NTN4: variants seen among roughly 807,000 people sequenced by gnomAD.
The protein encoded by NTN4 is netrin-4.
In NTN4, 32 loss-of-function variants were observed where a neutral mutation model predicts 73.6. That is an observed-to-expected ratio of 0.44 (90% CI 0.33 to 0.58). The LOEUF (loss-of-function observed/expected upper bound fraction) is 0.58. NTN4 is among the 20% of genes least tolerant of loss of function. The pLI is 0.04. For synonymous variants in NTN4, 258 were observed against 287.5 expected, an observed-to-expected ratio of 0.90 and a Z score of 1.04; for missense variants, 654 against 798.3, an observed-to-expected ratio of 0.82 and a Z score of 2.18.
intron 7 of NTN4, among the ~76,000 whole-genome samples, chr12:95,671,812 A>T (rs544588261): frequency 6.6e-6 from 1 of 152,182 alleles, no homozygotes; most frequent in African/African-American, 2.4e-5. Flanking sequence ...CATGGATAGG[A>T]TTTGCACTCA....
chr12:95,770,767 T>C (rs539887119), intron 2 of NTN4, among the ~76,000 whole-genome samples: 2 of 151,970 alleles, frequency 1.3e-5, no homozygotes, highest in Non-Finnish European at 1.5e-5. Flanking sequence ...CATGACGTCA[T>C]GTAGAAAGCA....
chr12:95,711,231 T>G (rs1238814336), intron 4 of NTN4, among the ~76,000 whole-genome samples: 2 of 152,158 alleles, frequency 1.3e-5, no homozygotes, highest in Non-Finnish European at 2.9e-5. Context: ...AAAAATAAGT[T>G]TCAGGAGATG....
intron 2 of NTN4, among the ~76,000 whole-genome samples, chr12:95,771,357 C>T (rs1459690871): frequency 2.0e-5 from 3 of 152,104 alleles, no homozygotes; most frequent in African/African-American, 4.8e-5. Context: ...TTGTATTCTA[C>T]GATGATCTCT....
chr12:95,719,876 A>C (rs1225303176), intron 3 of NTN4, among the ~76,000 whole-genome samples: 1 of 152,192 alleles, frequency 6.6e-6, no homozygotes, highest in African/African-American at 2.4e-5. Flanking sequence ...ACTCTTGCCC[A>C]ATAATATAAG....
At chr12:95,708,246 TTTA>T (rs1247150185) in intron 5 of NTN4, among the ~76,000 whole-genome samples, 1 of 149,536 alleles carries the variant, frequency 6.7e-6, no homozygotes, top group Admixed American at 6.7e-5. Flanking sequence ...TTTTTATTTC[TTTA>T]TTGTTATTTT....
chr12:95,706,261 G>A (rs924309272), intron 5 of NTN4, among the ~76,000 whole-genome samples: 2 of 150,954 alleles, frequency 1.3e-5, no homozygotes, highest in African/African-American at 4.9e-5. Context: ...GTAAGAATAT[G>A]AGCCATATCT....
chr12:95,729,709 C>T (rs2078724513), intron 3 of NTN4, among the ~76,000 whole-genome samples: 1 of 150,642 alleles, frequency 6.6e-6, no homozygotes, highest in Non-Finnish European at 1.5e-5. Flanking sequence ...CTAAAAATTT[C>T]CCTTGCAAGG....
chr12:95,744,772 T>A (rs868355851), intron 2 of NTN4, among the ~76,000 whole-genome samples: 3 of 152,004 alleles, frequency 2.0e-5, no homozygotes, highest in Non-Finnish European at 4.4e-5. Context: ...CAGATATCCA[T>A]CTGGTATCAT....
At chr12:95,673,857 C>A (rs2078252868) in intron 7 of NTN4, 1 of 152,194 alleles carries the variant, frequency 6.6e-6, no homozygotes. Flanking sequence ...TTGGTCCTGT[C>A]CAAGTGTGTC....
At chr12:95,702,172 C>T (rs762537037) in intron 5 of NTN4, among the ~76,000 whole-genome samples, 17 of 151,440 alleles carry the variant, frequency 1.1e-4, no homozygotes, top group Admixed American at 3.3e-4. Flanking sequence ...CCCAGCTGCT[C>T]GGGTGGCTGA....
At chr12:95,712,794 T>C (rs1475826462) in intron 4 of NTN4, among the ~76,000 whole-genome samples, 2 of 144,074 alleles carry the variant, frequency 1.4e-5, no homozygotes, top group African/African-American at 5.2e-5. Flanking sequence ...TTTCTTTTTT[T>C]TTTTTTTTTT....
At chr12:95,777,387 A>G (rs1171036321) in intron 2 of NTN4, among the ~76,000 whole-genome samples, 2 of 152,288 alleles carry the variant, frequency 1.3e-5, no homozygotes, top group Admixed American at 6.5e-5. Flanking sequence ...AAGAGTCAAG[A>G]CCCATCAGTG....
intron 5 of NTN4, among the ~76,000 whole-genome samples, chr12:95,697,321 G>A (rs2078450116): frequency 6.6e-6 from 1 of 152,014 alleles, no homozygotes; most frequent in Admixed American, 6.6e-5. Flanking sequence ...AGAACTCTTT[G>A]TTCAAGGAAA....
chr12:95,783,646 G>A (rs960944402), intron 2 of NTN4, among the ~76,000 whole-genome samples: 3 of 152,196 alleles, frequency 2.0e-5, no homozygotes, highest in African/African-American at 4.8e-5. Context: ...CAGGTCAGAA[G>A]ACTTGTGACT....
chr12:95,667,389 A>G, intron 8 of NTN4, among the ~76,000 whole-genome samples: 1 of 152,060 alleles, frequency 6.6e-6, no homozygotes, highest in South Asian at 2.1e-4. Context: ...GGAAGTTCTT[A>G]TCGGCTTATC....
chr12:95,778,523 A>C (rs1360599458), intron 2 of NTN4, among the ~76,000 whole-genome samples: 2 of 152,234 alleles, frequency 1.3e-5, no homozygotes, highest in Non-Finnish European at 2.9e-5. Context: ...ATCAGAGAAT[A>C]CTATAAACAC....
chr12:95,732,095 T>C (rs1422197465), intron 3 of NTN4, among the ~76,000 whole-genome samples: 6 of 152,164 alleles, frequency 3.9e-5, no homozygotes, highest in Admixed American at 2.0e-4. Flanking sequence ...TACATGCATG[T>C]TTTACCATAT....
chr12:95,675,713 T>G (rs1459683905), intron 7 of NTN4, among the ~76,000 whole-genome samples: 1 of 152,238 alleles, frequency 6.6e-6, no homozygotes, highest in Non-Finnish European at 1.5e-5. Context: ...TGAATGAATG[T>G]GCATTCGGGG....
At chr12:95,780,486 C>T (rs1359892261) in intron 2 of NTN4, among the ~76,000 whole-genome samples, 2 of 152,182 alleles carry the variant, frequency 1.3e-5, no homozygotes, top group Admixed American at 6.5e-5. Flanking sequence ...AACAAGTAGG[C>T]GAAGGATATG....
Sources: gnomAD v4.1 joint callset for allele counts (sites outside exome capture counted in the v4.1 genomes callset) on GRCh38, gnomAD v4.1.1 for gene constraint, MANE v1.5 for transcripts, NCBI Gene and HGNC (gene_info 2026-07-23, HGNC 2026-07-21) for gene names.